TPRG1: variants seen among roughly 807,000 people sequenced by gnomAD.
TPRG1 encodes tumor protein p63 regulated 1.
In TPRG1, 29 loss-of-function variants were observed where a neutral mutation model predicts 29.3. The observed-to-expected ratio is 0.99, with a 90% CI of 0.74 to 1.35. The LOEUF (loss-of-function observed/expected upper bound fraction) is 1.35. TPRG1 is among the 40% of genes most tolerant of loss of function. TPRG1 has a pLI of 0.00. For synonymous variants in TPRG1, 130 were observed against 116.8 expected (o/e 1.11, Z -0.73); for missense variants, 327 against 335.0 (o/e 0.98, Z 0.19).
intron 1 of TPRG1, among the ~76,000 whole-genome samples, chr3:189,105,394 AT>A (rs1384064416): frequency 6.6e-6 from 1 of 152,032 alleles, no homozygotes; most frequent in Non-Finnish European, 1.5e-5. Context: ...CCAGAGGAAT[AT>A]CCATTTCTCC....
At chr3:189,014,272 A>C (rs1165524566) in intron 3 of TPRG1, among the ~76,000 whole-genome samples, 1 of 152,112 alleles carries the variant, frequency 6.6e-6, no homozygotes, top group Non-Finnish European at 1.5e-5. Context: ...TATGAAGCTT[A>C]GTTTGGCTGG....
intron 4 of TPRG1, among the ~76,000 whole-genome samples, chr3:189,061,273 C>T (rs1716086804): frequency 6.6e-6 from 1 of 152,044 alleles, no homozygotes; most frequent in Non-Finnish European, 1.5e-5. Flanking sequence ...ACTCCTTCCA[C>T]CATATACAAA....
chr3:189,046,188 C>T (rs1438107765), intron 4 of TPRG1, among the ~76,000 whole-genome samples: 2 of 152,226 alleles, frequency 1.3e-5, no homozygotes, highest in African/African-American at 4.8e-5. Flanking sequence ...ATGGTTCTTC[C>T]TGTGCACACT....
intron 4 of TPRG1, among the ~76,000 whole-genome samples, chr3:189,061,562 C>T (rs1373324933): frequency 2.0e-5 from 3 of 152,074 alleles, no homozygotes; most frequent in African/African-American, 4.8e-5. Flanking sequence ...GTCTAATATC[C>T]AGCAGCTATA....
intron 4 of TPRG1, among the ~76,000 whole-genome samples, chr3:189,285,677 A>C (rs1464892608): frequency 6.6e-6 from 1 of 152,158 alleles, no homozygotes; most frequent in Non-Finnish European, 1.5e-5. Flanking sequence ...TCTTTCTCAG[A>C]GTAATTCTTT....
intron 5 of TPRG1, among the ~76,000 whole-genome samples, chr3:189,311,961 A>G (rs146660377): frequency 6.6e-6 from 1 of 152,290 alleles, no homozygotes; most frequent in East Asian, 1.9e-4. Context: ...TGAACTTCAA[A>G]TGCAATATCA....
intron 3 of TPRG1, among the ~76,000 whole-genome samples, chr3:189,007,926 T>A (rs9811008): frequency 7.3e-6 from 1 of 137,700 alleles, no homozygotes; most frequent in Non-Finnish European, 1.6e-5. Flanking sequence ...AGGGATAGCA[T>A]TGGGAGATAT....
At chr3:189,015,305 A>C (rs1257114672) in intron 3 of TPRG1, among the ~76,000 whole-genome samples, 1 of 152,226 alleles carries the variant, frequency 6.6e-6, no homozygotes, top group Non-Finnish European at 1.5e-5. Context: ...AAGATGTGGC[A>C]TGGCTGCTTG....
chr3:189,257,513 G>A (rs947523482), intron 4 of TPRG1, among the ~76,000 whole-genome samples: 4 of 152,128 alleles, frequency 2.6e-5, no homozygotes, highest in East Asian at 1.9e-4. Context: ...GAGTATCTCT[G>A]TGGTGTTCTC....
At chr3:189,057,500 C>CT (rs67560129) in intron 4 of TPRG1, among the ~76,000 whole-genome samples, 5,075 of 134,214 alleles carry the variant, frequency 0.038, 141 homozygotes, top group African/African-American at 0.079. Flanking sequence ...GCCCTGATTG[C>CT]TTTTTTTTTT....
chr3:189,298,672 A>G (rs1156636951), intron 4 of TPRG1, among the ~76,000 whole-genome samples: 1 of 152,214 alleles, frequency 6.6e-6, no homozygotes, highest in Admixed American at 6.5e-5. Context: ...AACAGTTTGA[A>G]TGATTCATGA....
chr3:189,033,871 C>T (rs1302959972), intron 4 of TPRG1, among the ~76,000 whole-genome samples: 1 of 152,130 alleles, frequency 6.6e-6, no homozygotes, highest in African/African-American at 2.4e-5. Context: ...CCACCGTGCC[C>T]AGCCTACTCC....
rs1238566952 is a variant in TPRG1 at position 189,323,452 on chromosome 3, A to G, written c.*2632A>G. ...GTGAGGATTCAATGAAATGAGGTTAAATTCTTTTATTAAACAGAAAGTTTT... is the reference window on the plus strand; with the variant it reads ...GTGAGGATTCAATGAAATGAGGTTAGATTCTTTTATTAAACAGAAAGTTTT... On this transcript the variant is annotated 3_prime_UTR_variant, in exon 6 of 6. Transcript: ENST00000345063. 2 of 152,128 alleles carry G rather than the reference A, an allele frequency of 1.3e-5. No individual in the cohort carries two copies. The highest frequency in any genetic ancestry group is 3.9e-4 in the East Asian group (2 of 5,194). 9.4% of individuals were successfully genotyped at this position (152,128 alleles called of 1,614,324 possible).
chr3:189,229,405 A>G (rs577332942), intron 3 of TPRG1, among the ~76,000 whole-genome samples: 47 of 152,324 alleles, frequency 3.1e-4, no homozygotes, highest in African/African-American at 7.7e-4. Flanking sequence ...CTGACTGGAC[A>G]AAGAGAGGTT....
intron 3 of TPRG1, among the ~76,000 whole-genome samples, chr3:189,235,338 G>A (rs1329674779): frequency 6.6e-6 from 1 of 151,456 alleles, no homozygotes; most frequent in South Asian, 2.1e-4. Flanking sequence ...CCTAGAGTGA[G>A]AGTGATTGCA....
chr3:189,004,166 T>C (rs1712171934), intron 2 of TPRG1, among the ~76,000 whole-genome samples: 1 of 152,168 alleles, frequency 6.6e-6, no homozygotes, highest in Non-Finnish European at 1.5e-5. Flanking sequence ...AATGCATTTA[T>C]GTGGTTCAAA....
At chr3:189,300,368 T>C (rs1371473980) in intron 4 of TPRG1, among the ~76,000 whole-genome samples, 1 of 152,242 alleles carries the variant, frequency 6.6e-6, no homozygotes, top group Non-Finnish European at 1.5e-5. Flanking sequence ...TAGGCCTCGC[T>C]CTTAAGACAG....
At chr3:189,167,912 C>T (rs1186491387), upstream of TPRG1, among the ~76,000 whole-genome samples, 2 of 152,270 alleles carry the variant, frequency 1.3e-5, no homozygotes, top group South Asian at 2.1e-4. Context: ...ATAGAAGAGA[C>T]GATCCTCTGA....
intron 2 of TPRG1, among the ~76,000 whole-genome samples, chr3:189,002,282 TTC>T (rs1239303729): frequency 6.7e-6 from 1 of 150,308 alleles, no homozygotes; most frequent in Non-Finnish European, 1.5e-5. Flanking sequence ...GAGGCCAACA[TTC>T]TCTTTTTTTT....
Sources: allele counts gnomAD v4.1 joint callset (sites outside exome capture counted in the v4.1 genomes callset), GRCh38; gene constraint gnomAD v4.1.1; transcripts MANE v1.5; gene names NCBI Gene and HGNC (gene_info 2026-07-23, HGNC 2026-07-21).